FGD4: variants seen among roughly 807,000 people sequenced by gnomAD.
The protein encoded by FGD4 is FYVE, RhoGEF and PH domain-containing protein 4.
A neutral mutation model predicts 102.0 loss-of-function variants in FGD4; 42 were observed. The observed-to-expected ratio is 0.41, with a 90% CI of 0.32 to 0.53. The LOEUF is 0.53. Among genes scored for constraint, FGD4 ranks in the 20% least tolerant of loss-of-function variants. The probability of loss-of-function intolerance (pLI) is 0.21; values close to 1 mark genes in which losing one functional copy is unlikely to be tolerated. For missense variants in FGD4, 902 were observed against 1,078.2 expected (o/e 0.84, Z 2.29); for synonymous variants, 380 against 375.7 (o/e 1.01, Z -0.13).
intron 10 of FGD4, among the ~76,000 whole-genome samples, chr12:32,613,873 G>A (rs1454543671): frequency 6.6e-6 from 1 of 152,140 alleles, no homozygotes; most frequent in Non-Finnish European, 1.5e-5. Context: ...CAAACTTACG[G>A]TGAAGTTTGG....
At chr12:32,555,988 C>T (rs191875204) in intron 1 of FGD4, among the ~76,000 whole-genome samples, 33 of 152,134 alleles carry the variant, frequency 2.2e-4, no homozygotes, top group Admixed American at 5.9e-4. Flanking sequence ...TAGGTGTGCA[C>T]CACCATGCCC....
intron 1 of FGD4, among the ~76,000 whole-genome samples, chr12:32,478,306 A>G (rs1943635365): frequency 6.6e-6 from 1 of 152,204 alleles, no homozygotes; most frequent in Non-Finnish European, 1.5e-5. Context: ...TCTGTTGCTC[A>G]GGCTGAAGTG....
intron 1 of FGD4, among the ~76,000 whole-genome samples, chr12:32,512,571 C>T (rs894338149): frequency 6.6e-6 from 1 of 152,122 alleles, no homozygotes; most frequent in Non-Finnish European, 1.5e-5. Context: ...GTCACTGCCA[C>T]CTTGTCACAG....
intron 1 of FGD4, among the ~76,000 whole-genome samples, chr12:32,463,180 G>A (rs980790112): frequency 3.5e-4 from 54 of 152,216 alleles, no homozygotes; most frequent in African/African-American, 1.0e-3. Context: ...GTAGCTGTGA[G>A]ACAAGATGGA....
At chr12:32,416,982 C>T (rs947795102) in intron 1 of FGD4, among the ~76,000 whole-genome samples, 14 of 151,680 alleles carry the variant, frequency 9.2e-5, no homozygotes, top group African/African-American at 2.7e-4. Flanking sequence ...CTGCAACCTC[C>T]GCCTCCTGGG....
chr12:32,423,012 C>G (rs994791001), intron 1 of FGD4, among the ~76,000 whole-genome samples: 3 of 152,166 alleles, frequency 2.0e-5, no homozygotes, highest in Admixed American at 6.5e-5. Flanking sequence ...TAAACCCCTG[C>G]TCTTAATCTC....
intron 7 of FGD4, among the ~76,000 whole-genome samples, chr12:32,603,192 A>G (rs781248111): frequency 4.6e-5 from 7 of 152,194 alleles, no homozygotes; most frequent in Non-Finnish European, 8.8e-5. Context: ...TGAGAAAAAA[A>G]TGTATCTATA....
intron 10 of FGD4, among the ~76,000 whole-genome samples, chr12:32,615,610 T>C (rs1335371072): frequency 6.6e-6 from 1 of 151,888 alleles, no homozygotes; most frequent in African/African-American, 2.4e-5. Context: ...AGGTCTATTA[T>C]AAAAGATCAC....
In FGD4 at chr12:32,591,042, C is replaced by T. The variant is rs143376372; in HGVS notation, c.1012-7455C>T. 5.4e-3 allele frequency among the ~76,000 whole-genome samples: 818 copies of T among 152,266 alleles called. 7 individuals carry two copies. Among genetic ancestry groups the T allele is most frequent in the African/African-American group, 0.018 (760 of 41,554 alleles). Reference sequence around the variant, plus strand: ...ATGACATATCAAAGTGTTGATGCATCTGATAAATTGTGGTACAAAATCAAA... The same window carrying T: ...ATGACATATCAAAGTGTTGATGCATTTGATAAATTGTGGTACAAAATCAAA... On this transcript the variant is annotated intron_variant, in intron 4 of 16. Transcript: ENST00000534526.
At chr12:32,495,434 C>T (rs1034353920) in intron 1 of FGD4, among the ~76,000 whole-genome samples, 7 of 152,086 alleles carry the variant, frequency 4.6e-5, no homozygotes, top group African/African-American at 1.4e-4. Flanking sequence ...CGGTGGCTCA[C>T]GCCTGTAATC....
intron 4 of FGD4, among the ~76,000 whole-genome samples, chr12:32,593,493 A>G (rs565593184): frequency 6.6e-6 from 1 of 152,328 alleles, no homozygotes; most frequent in Non-Finnish European, 1.5e-5. Flanking sequence ...TGGAGAGAGC[A>G]TAGCTTTTGC....
chr12:32,430,521 T>A (rs1048801269), intron 1 of FGD4, among the ~76,000 whole-genome samples: 2 of 152,214 alleles, frequency 1.3e-5, no homozygotes, highest in Admixed American at 1.3e-4. Flanking sequence ...AATCTTTATT[T>A]TCAAGAATCT....
chr12:32,617,240 C>G (rs532452080), intron 10 of FGD4, among the ~76,000 whole-genome samples: 1 of 152,240 alleles, frequency 6.6e-6, no homozygotes, highest in South Asian at 2.1e-4. Flanking sequence ...ATAAAATCAC[C>G]AAATTATCCC....
intron 1 of FGD4, among the ~76,000 whole-genome samples, chr12:32,520,277 A>C (rs966117320): frequency 6.6e-6 from 1 of 152,212 alleles, no homozygotes; most frequent in African/African-American, 2.4e-5. Context: ...AAATAAACGA[A>C]TACAAGAGCT....
intron 1 of FGD4, among the ~76,000 whole-genome samples, chr12:32,525,383 T>C (rs1164343153): frequency 6.6e-6 from 1 of 152,246 alleles, no homozygotes; most frequent in African/African-American, 2.4e-5. Context: ...GTTTTAAAAG[T>C]ATATACTATA....
At chr12:32,422,287 GC>G (rs1941660419) in intron 1 of FGD4, among the ~76,000 whole-genome samples, 1 of 91,678 alleles carries the variant, frequency 1.1e-5, no homozygotes, top group Non-Finnish European at 2.3e-5. Context: ...ATTGGGAGCT[GC>G]TTTTTTTTTT....
rs112212721 is a variant in FGD4 at position 32,459,777 on chromosome 12, C to A, written c.166+59818C>A. 7.2e-5 allele frequency among the ~76,000 whole-genome samples: 11 copies of A among 152,112 alleles called. 1 individual carries two copies. Among genetic ancestry groups the A allele is most frequent in the African/African-American group, 2.7e-4 (11 of 41,486 alleles). Reference sequence around the variant, plus strand: ...TGCATGGCATGATGACAGCTCACTGCAGCCTCCATTTCCTGGGCTCAAGCA... The same window carrying A: ...TGCATGGCATGATGACAGCTCACTGAAGCCTCCATTTCCTGGGCTCAAGCA... On this transcript the variant is annotated intron_variant, in intron 1 of 16. Coordinates refer to ENST00000534526, the MANE Select transcript of FGD4 (RefSeq NM_001370298.3).
At chr12:32,500,952 G>C (rs1938175997) in intron 1 of FGD4, among the ~76,000 whole-genome samples, 1 of 152,224 alleles carries the variant, frequency 6.6e-6, no homozygotes, top group Admixed American at 6.5e-5. Context: ...CCCTGGTCTT[G>C]AGGTGCTCAC....
intron 1 of FGD4, among the ~76,000 whole-genome samples, chr12:32,549,287 C>T (rs1350968001): frequency 1.3e-5 from 2 of 152,194 alleles, no homozygotes; most frequent in Non-Finnish European, 2.9e-5. Context: ...TAGCACTCCA[C>T]AGAACACACT....
Sources: gnomAD v4.1 joint callset for allele counts (sites outside exome capture counted in the v4.1 genomes callset) on GRCh38, gnomAD v4.1.1 for gene constraint, MANE v1.5 for transcripts, NCBI Gene and HGNC (gene_info 2026-07-23, HGNC 2026-07-21) for gene names.